The following NAF1 variants were observed in gnomAD, a reference collection of about 807,000 sequenced individuals.
NAF1 encodes H/ACA ribonucleoprotein complex non-core subunit NAF1.
In NAF1, 11 loss-of-function variants were observed where a neutral mutation model predicts 40.6. That is an observed-to-expected ratio of 0.27 (90% CI 0.17 to 0.45). The LOEUF is 0.45. Among genes scored for constraint, NAF1 ranks in the 20% least tolerant of loss-of-function variants. NAF1 has a pLI of 1.00. For missense variants in NAF1, 607 were observed against 611.1 expected (o/e 0.99, Z 0.07); for synonymous variants, 260 against 228.5 (o/e 1.14, Z -1.24).
At chr4:163,107,175 C>A (rs974213375), downstream of NAF1, among the ~76,000 whole-genome samples, 2 of 152,134 alleles carry the variant, frequency 1.3e-5, no homozygotes, top group African/African-American at 4.8e-5. Flanking sequence ...TTAGTACAGG[C>A]GGGGTTTCAC....
At position 163,166,639 on chromosome 4, in the gene NAF1, G is replaced by C. The variant is rs767204361; in HGVS notation, c.89C>G (p.Pro30Arg). ...DFGVGEGPAA[P>R]SPGSAPVPGT... ...TGGCACAGGGGCAGAGCCCGGAGAC[G>C]GAGCCGCCGGACCTTCCCCAACTCC... Residue 30 changes from proline to arginine, a missense_variant, in exon 1 of 8, where the codon CCG becomes CGG. Around this residue, in one of 3 missense-constraint regions of NAF1, gnomAD observed 407 missense variants for 365.5 expected, o/e 1.11. Coordinates refer to ENST00000274054, the MANE Select transcript of NAF1 (RefSeq NM_138386.3). The C allele has an allele frequency of 1.8e-5, 29 of 1,612,430 alleles. No individual in the cohort carries two copies. The highest frequency in any genetic ancestry group is 2.2e-5 in the Non-Finnish European group (26 of 1,179,774).
chr4:163,111,861 G>A (rs1730169390), intron 2 of NAF1, among the ~76,000 whole-genome samples: 1 of 152,158 alleles, frequency 6.6e-6, no homozygotes, highest in African/African-American at 2.4e-5. Context: ...TGGAAGCCAA[G>A]TGGGAAACAT....
At chr4:163,139,622 G>A (rs931713717) in intron 5 of NAF1, among the ~76,000 whole-genome samples, 13 of 151,892 alleles carry the variant, frequency 8.6e-5, no homozygotes, top group Non-Finnish European at 1.5e-4. Context: ...AAAATATTGC[G>A]GTCACATGCC....
downstream of NAF1, among the ~76,000 whole-genome samples, chr4:163,127,286 C>T (rs182489568): frequency 1.2e-4 from 19 of 152,202 alleles, no homozygotes; most frequent in Middle Eastern, 3.4e-3. Flanking sequence ...CGTGCCACCA[C>T]GCTCGGCTAA....
chr4:163,152,444 C>T (rs1731748634), intron 2 of NAF1, among the ~76,000 whole-genome samples: 1 of 152,190 alleles, frequency 6.6e-6, no homozygotes, highest in Non-Finnish European at 1.5e-5. Flanking sequence ...TGTAGTGAGT[C>T]AGGGTCTCAC....
intron 6 of NAF1, chr4:163,133,556 A>C: frequency 1.4e-5 from 4 of 278,328 alleles, no homozygotes. Context: ...TGCCAAAGGT[A>C]AGAGTATCAA....
In NAF1 at chr4:163,166,343, G is replaced by A. The variant is rs777051492; in HGVS notation, c.365+20C>T. On this transcript the variant is annotated intron_variant, in intron 1 of 7. Transcript: ENST00000274054. ...ATACAAGACCTCTCCCCACAGCTCC[G>A]GGTCCCTTAGGCACCCGACCTGTCC... is the stretch of plus-strand genomic sequence containing the variant. 25 of 1,564,184 alleles carry A rather than the reference G, an allele frequency of 1.6e-5. No individual in the cohort carries two copies. Among genetic ancestry groups the A allele is most frequent in the Non-Finnish European group, 2.0e-5 (23 of 1,154,886 alleles).
downstream of NAF1, among the ~76,000 whole-genome samples, chr4:163,123,539 G>A (rs138283190): frequency 4.9e-4 from 75 of 152,174 alleles, 1 homozygote; most frequent in East Asian, 0.013. Context: ...GCGTAACCAT[G>A]CTCGGCTAAT....
chr4:163,109,166 T>G (rs1730098686), downstream of NAF1, among the ~76,000 whole-genome samples: 1 of 151,508 alleles, frequency 6.6e-6, no homozygotes, highest in African/African-American at 2.4e-5. Flanking sequence ...CACCCTTTTT[T>G]TTTTTTTTTT....
chr4:163,138,230 G>A lies in NAF1; in HGVS notation c.879-980C>T, dbSNP rs1024701253. Among the ~76,000 whole-genome samples, 6 of 152,056 alleles carry A rather than the reference G, an allele frequency of 3.9e-5. No individual in the cohort carries two copies. In the South Asian group the frequency reaches 8.3e-4, roughly 21 times the overall value. ...TAAGTTTGCTTTAAATTTTTGATTC[G>A]GAACTTTGACATTATATATGAGCCA... On this transcript the variant is annotated intron_variant, in intron 5 of 7. Transcript: ENST00000274054.
In NAF1 at chr4:163,148,366, C is replaced by A; in HGVS notation, c.609G>T (p.Met203Ile). The change falls in exon 3 of 8, where the codon ATG (methionine) becomes ATT (isoleucine). Residue 203 changes from methionine (M) to isoleucine (I), a missense_variant. This residue lies in a region of NAF1 where 407 missense variants were observed against 365.5 expected (regional missense o/e 1.11). Coordinates refer to ENST00000274054, the MANE Select transcript of NAF1 (RefSeq NM_138386.3). ...CTAGTTGTTCAATAATACTTGAAACCATCCCAAGAGGCTTTAACTCAATAT... is the reference window on the plus strand; with the variant it reads ...CTAGTTGTTCAATAATACTTGAAACAATCCCAAGAGGCTTTAACTCAATAT... ...PEDIELKPLG[M>I]VSSIIEQLVI... 1.3e-6 allele frequency: 2 copies of A among 1,560,112 alleles called. No individual in the cohort carries two copies. The highest frequency in any genetic ancestry group is 2.3e-5 in the East Asian group (1 of 42,806).
chr4:163,147,680 C>T (rs1045531329), intron 3 of NAF1, among the ~76,000 whole-genome samples: 1 of 152,166 alleles, frequency 6.6e-6, no homozygotes, highest in Non-Finnish European at 1.5e-5. Flanking sequence ...AAATACATTA[C>T]ATTTTTAAGA....
At chr4:163,165,365 T>C (rs1309449594) in intron 1 of NAF1, among the ~76,000 whole-genome samples, 1 of 152,216 alleles carries the variant, frequency 6.6e-6, no homozygotes, top group African/African-American at 2.4e-5. Flanking sequence ...AGTTGGCCTA[T>C]TATGACGCCA....
chr4:163,105,473 G>A (rs1730036961), downstream of NAF1, among the ~76,000 whole-genome samples: 1 of 152,172 alleles, frequency 6.6e-6, no homozygotes, highest in Non-Finnish European at 1.5e-5. Context: ...TTTTGAAGCT[G>A]TTATCTGTGA....
chr4:163,156,589 T>C (rs572221844), intron 2 of NAF1, among the ~76,000 whole-genome samples: 2 of 152,262 alleles, frequency 1.3e-5, no homozygotes, highest in East Asian at 1.9e-4. Flanking sequence ...CCCAACACTG[T>C]AGAAAGCTCT....
At chr4:163,127,927 A>G (rs1238170931), downstream of NAF1, among the ~76,000 whole-genome samples, 1 of 151,978 alleles carries the variant, frequency 6.6e-6, no homozygotes, top group African/African-American at 2.4e-5. Context: ...ACTAGGTTCA[A>G]CTCCTTGTCA....
chr4:163,126,876 A>G, downstream of NAF1: 1 of 1,427,080 alleles, frequency 7.0e-7, no homozygotes, highest in Admixed American at 2.5e-5. Flanking sequence ...TCCAACAGCT[A>G]AAAGACTGTA....
At chr4:163,103,984 G>C in the NAF1 span, among the ~76,000 whole-genome samples, 1 of 150,894 alleles carries the variant, frequency 6.6e-6, no homozygotes, top group Non-Finnish European at 1.5e-5. Context: ...AGTCCAAAAA[G>C]AGAGTCAGAG....
chr4:163,123,906 A>C (rs1730581956), downstream of NAF1, among the ~76,000 whole-genome samples: 1 of 152,238 alleles, frequency 6.6e-6, no homozygotes, highest in South Asian at 2.1e-4. Flanking sequence ...CATCAGTTTA[A>C]AGATCTAGGG....
Sources: gnomAD v4.1 joint callset for allele counts (sites outside exome capture counted in the v4.1 genomes callset) on GRCh38, gnomAD v4.1.1 for gene constraint, gnomAD v4.1.1 regional missense constraint, MANE v1.5 for transcripts, NCBI Gene and HGNC (gene_info 2026-07-23, HGNC 2026-07-21) for gene names.